The following TNS3 variants were observed in gnomAD, a reference collection of about 807,000 sequenced individuals.
The protein encoded by TNS3 is tensin 3, also known as tensin-3.
In TNS3, 45 loss-of-function variants were observed where a neutral mutation model predicts 140.9. That is an observed-to-expected ratio of 0.32 (90% confidence interval 0.25 to 0.41). The LOEUF is 0.41. Ranked by LOEUF, TNS3 falls within the 10% of genes least tolerant of loss-of-function variation. TNS3 has a pLI of 1.00. For synonymous variants in TNS3, 815 were observed against 788.4 expected, an observed-to-expected ratio of 1.03 and a Z score of -0.56; for missense variants, 1,716 against 1,906.7, an observed-to-expected ratio of 0.90 and a Z score of 1.86.
chr7:47,407,649 T>C lies in TNS3; in HGVS notation c.723+4078A>G, dbSNP rs1447785994. ...AGTTGAAGGTCTCAGCACTTCAGCA[T>C]AGGGCTGTGTTTGGAGATGGGGTCT... On this transcript the variant is annotated intron_variant, in intron 13 of 30. Transcript: ENST00000311160. The surrounding 1 kb of genome is among the most constrained non-coding windows in gnomAD (Gnocchi z 4.1). Among the ~76,000 whole-genome samples, 1 of 152,214 alleles carries C rather than the reference T, an allele frequency of 6.6e-6. No homozygotes were observed. Among genetic ancestry groups the C allele is most frequent in the Non-Finnish European group, 1.5e-5 (1 of 68,038 alleles).
chr7:47,539,130 C>T, intron 1 of TNS3: 1 of 456,660 alleles, frequency 2.2e-6, no homozygotes. Context: ...GAACAGATAG[C>T]CCCCAGCAGG....
chr7:47,330,143 TC>T (rs1788253301), intron 20 of TNS3, among the ~76,000 whole-genome samples: 1 of 151,804 alleles, frequency 6.6e-6, no homozygotes, highest in African/African-American at 2.4e-5. Flanking sequence ...CACCCAGAGA[TC>T]CCCGGGGACG....
intron 2 of TNS3, among the ~76,000 whole-genome samples, chr7:47,526,081 G>T (rs1276262344): frequency 6.6e-6 from 1 of 152,236 alleles, no homozygotes; most frequent in Non-Finnish European, 1.5e-5. Context: ...ACAGCTGGAG[G>T]CCGTGCTTTC....
intron 16 of TNS3, among the ~76,000 whole-genome samples, chr7:47,381,812 T>C (rs1341126393): frequency 6.6e-6 from 1 of 152,228 alleles, no homozygotes; most frequent in Non-Finnish European, 1.5e-5. Flanking sequence ...CTTTAAAGGG[T>C]ATTGGCTAAC....
At chr7:47,332,633 C>T (rs1466650520) in intron 20 of TNS3, among the ~76,000 whole-genome samples, 2 of 152,140 alleles carry the variant, frequency 1.3e-5, no homozygotes, top group Non-Finnish European at 2.9e-5. Context: ...TAAGGAAGTG[C>T]ATTTTGAATT....
intron 1 of TNS3, chr7:47,538,963 A>G (rs1799702779): frequency 2.2e-6 from 1 of 451,354 alleles, no homozygotes; most frequent in East Asian, 7.0e-5. Context: ...ATCTGACACA[A>G]TACCAGGTAC....
At chr7:47,481,010 G>A in intron 4 of TNS3, 93 bp downstream of exon 4, 2 of 1,034,422 alleles carry the variant, frequency 1.9e-6, no homozygotes, top group East Asian at 1.2e-4. Context: ...CCTAGAGGAA[G>A]CCAAAAGATC....
At chr7:47,328,013 G>A (rs1788119297) in intron 20 of TNS3, among the ~76,000 whole-genome samples, 1 of 152,218 alleles carries the variant, frequency 6.6e-6, no homozygotes, top group African/African-American at 2.4e-5. Flanking sequence ...GTCCATGGAA[G>A]GGCCTGGGAG....
At chr7:47,519,180 TTACA>T (rs1172435056) in intron 2 of TNS3, among the ~76,000 whole-genome samples, 3 of 152,128 alleles carry the variant, frequency 2.0e-5, no homozygotes, top group Non-Finnish European at 4.4e-5. Flanking sequence ...CTAACATTAC[TTACA>T]TAATCTATGT....
rs141278171 is a variant in TNS3 at position 47,325,066 on chromosome 7, T to C, written c.2650+19689A>G. Reference sequence around the variant, plus strand: ...ACTTGGAGGAGTCAGCTTGGAAGCATGATGGACCGTGTGGTTTTGTGTATC... The same window carrying C: ...ACTTGGAGGAGTCAGCTTGGAAGCACGATGGACCGTGTGGTTTTGTGTATC... On this transcript the variant is annotated intron_variant, in intron 20 of 30. Coordinates refer to ENST00000311160, the MANE Select transcript of TNS3 (RefSeq NM_022748.12). 1.1e-4 allele frequency among the ~76,000 whole-genome samples: 17 copies of C among 152,152 alleles called. No individual in the cohort carries two copies. The East Asian group carries it at 3.3e-3, about 29-fold the overall frequency.
At chr7:47,378,659 C>T (rs1400256559) in intron 16 of TNS3, among the ~76,000 whole-genome samples, 1 of 152,176 alleles carries the variant, frequency 6.6e-6, no homozygotes, top group Non-Finnish European at 1.5e-5. Context: ...AGGCTCAAAC[C>T]AAACCCAGAA....
intron 1 of TNS3, among the ~76,000 whole-genome samples, chr7:47,573,245 C>G (rs1021581827): frequency 1.3e-5 from 2 of 152,218 alleles, no homozygotes; most frequent in African/African-American, 4.8e-5. Flanking sequence ...TACAAGCCAG[C>G]AGGGCAATGC....
intron 20 of TNS3, among the ~76,000 whole-genome samples, chr7:47,330,292 C>T (rs1788262269): frequency 6.6e-6 from 1 of 152,210 alleles, no homozygotes; most frequent in Non-Finnish European, 1.5e-5. Context: ...GCCAGGTCTC[C>T]TCTCAGAAAC....
intron 6 of TNS3, among the ~76,000 whole-genome samples, chr7:47,438,280 C>T (rs1388831021): frequency 6.6e-6 from 1 of 152,178 alleles, no homozygotes; most frequent in Non-Finnish European, 1.5e-5. Context: ...GCAGGGAGAG[C>T]TCTGGCCCTG....
intron 17 of TNS3, among the ~76,000 whole-genome samples, chr7:47,356,717 T>A (rs1370925670): frequency 6.6e-6 from 1 of 152,132 alleles, no homozygotes; most frequent in East Asian, 1.9e-4. Flanking sequence ...TGTATAGATA[T>A]AACAAACAAA....
intron 20 of TNS3, among the ~76,000 whole-genome samples, chr7:47,320,903 G>A (rs6463413): frequency 0.39 from 58,857 of 152,062 alleles, 11,492 homozygotes; most frequent in South Asian, 0.53. Context: ...TGCCAAGTTA[G>A]GGCATGAAAG....
At chr7:47,360,210 C>A (rs1185438150) in intron 17 of TNS3, among the ~76,000 whole-genome samples, 1 of 152,148 alleles carries the variant, frequency 6.6e-6, no homozygotes, top group Non-Finnish European at 1.5e-5. Flanking sequence ...TGGGCTGACT[C>A]GGTTATTAAA....
intron 16 of TNS3, among the ~76,000 whole-genome samples, chr7:47,390,200 C>A (rs1197764296): frequency 6.6e-6 from 1 of 152,232 alleles, no homozygotes. Context: ...CAGGTGCCAT[C>A]GGCCCCCTCC....
At chr7:47,548,376 GCTGA>G (rs1486873175) in intron 1 of TNS3, among the ~76,000 whole-genome samples, 1 of 152,106 alleles carries the variant, frequency 6.6e-6, no homozygotes, top group East Asian at 1.9e-4. Context: ...TTCCTCAAAG[GCTGA>G]CTATAGTCAC....
Sources: gnomAD v4.1 joint callset for allele counts (sites outside exome capture counted in the v4.1 genomes callset) on GRCh38, gnomAD v4.1.1 for gene constraint, Gnocchi (gnomAD v3.1) non-coding constraint, MANE v1.5 for transcripts, NCBI Gene and HGNC (gene_info 2026-07-23, HGNC 2026-07-21) for gene names.